GOLGA8S: variants seen among roughly 807,000 people sequenced by gnomAD.
The protein encoded by GOLGA8S is golgin subfamily A member 8S.
GOLGA8S carries 23 observed loss-of-function variants against 58.9 expected under a neutral mutation model. The observed-to-expected ratio is 0.39, with a 90% CI of 0.28 to 0.55. The LOEUF (loss-of-function observed/expected upper bound fraction) is 0.55. Among genes scored for constraint, GOLGA8S ranks in the 20% least tolerant of loss-of-function variants. The pLI is 0.63. For synonymous variants in GOLGA8S, 84 were observed against 195.7 expected (o/e 0.43, Z 4.76); for missense variants, 266 against 514.2 (o/e 0.52, Z 4.67).
intron 15 of GOLGA8S, 28 bp from the exon 16 acceptor site, chr15:23,364,315 A>G: frequency 6.3e-7 from 1 of 1,597,708 alleles, no homozygotes; most frequent in Non-Finnish European, 8.5e-7. Flanking sequence ...GTCGCTGCCG[A>G]GATGTGACTA....
At chr15:23,364,560 C>A in exon 17 of GOLGA8S, 2 of 1,567,636 alleles carry the variant, frequency 1.3e-6, no homozygotes, top group Non-Finnish European at 1.7e-6. Flanking sequence ...ACCAGGGGGC[C>A]GTGCCAAAGA....
chr15:23,363,720 C>G, exon 15 of GOLGA8S: 1 of 534,948 alleles, frequency 1.9e-6, no homozygotes, highest in Non-Finnish European at 3.1e-6. Flanking sequence ...GAGGAGGCAC[C>G]TCGGCCCATT....
rs4036676 is a variant in GOLGA8S at position 23,364,390 on chromosome 15, G to T, written c.1395G>T (p.Leu465=). 2.0e-4 allele frequency: 327 copies of T among 1,602,738 alleles called. 6 individuals are homozygous for T. Among genetic ancestry groups the T allele is most frequent in the East Asian group, 6.0e-4 (27 of 44,856 alleles). ...AGGAGAAGGCAGACCTGAGTGAGCT[G>T]GTGAAGAAACAAGAACTTCGCTTCA... is the stretch of plus-strand genomic sequence containing the variant. Residue 465 remains leucine, a synonymous_variant, in exon 16 of 19, where the codon CTG becomes CTT. Coordinates refer to ENST00000562295, the Ensembl canonical transcript of GOLGA8S.
rs564673727 is a variant in GOLGA8S at position 23,364,155 on chromosome 15, G to A, written c.1348-188G>A. ...TGGCCTCGGCCCAGAAGGAGCCAGA[G>A]GCAGCCAGAGGCCCTGGAGCCCCAG... On this transcript the variant is annotated intron_variant, in intron 15 of 18. Coordinates refer to ENST00000562295, the Ensembl canonical transcript of GOLGA8S. Among the ~76,000 whole-genome samples the A allele has an allele frequency of 2.0e-4, 28 of 138,456 alleles. 2 individuals carry two copies. Among genetic ancestry groups the A allele is most frequent in the Non-Finnish European group, 3.9e-4 (25 of 63,918 alleles). The allele number at this position is 138,456 out of a possible 152,430, so 90.8% of individuals were successfully genotyped here.
chr15:23,356,417 C>G (rs1218598399), intron 1 of GOLGA8S, among the ~76,000 whole-genome samples, 174 bp from the exon 2 acceptor site: 1 of 125,062 alleles, frequency 8.0e-6, no homozygotes. Flanking sequence ...CTTTTTTTTT[C>G]TAGCCATGAT....
exon 9 of GOLGA8S, chr15:23,360,262 T>A: frequency 2.4e-6 from 3 of 1,265,034 alleles, no homozygotes; most frequent in Non-Finnish European, 3.4e-6. Flanking sequence ...ACGTACGGAG[T>A]GGAAGTTAGA....
chr15:23,368,026 ATAAC>A (rs1329955857), downstream of GOLGA8S, among the ~76,000 whole-genome samples: 1 of 151,978 alleles, frequency 6.6e-6, no homozygotes, highest in Non-Finnish European at 1.5e-5. Context: ...TTAAAATAAT[ATAAC>A]TATTAAAAAT....
intron 15 of GOLGA8S, among the ~76,000 whole-genome samples, chr15:23,364,034 T>C (rs1386314752): frequency 2.7e-3 from 357 of 131,386 alleles, no homozygotes; most frequent in East Asian, 0.01. Flanking sequence ...GGTGGCATTT[T>C]TCAAGTCCGC....
downstream of GOLGA8S, chr15:23,366,154 C>T (rs1218656928): frequency 6.6e-6 from 1 of 151,734 alleles, no homozygotes; most frequent in Non-Finnish European, 1.5e-5. Context: ...CATAAGAAAT[C>T]CTTTACGAGT....
rs755128655 is a variant in GOLGA8S, at chr15:23,361,470, G to C, written c.1110+14G>C. 8 of 773,404 alleles carry C rather than the reference G, an allele frequency of 1.0e-5. No homozygotes were observed. The East Asian group carries it at 1.9e-4, about 19-fold the overall frequency. The allele number at this position is 773,404 out of a possible 1,614,324, so 47.9% of individuals were successfully genotyped here. On this transcript the variant is annotated intron_variant, in intron 12 of 18. Transcript: ENST00000562295. ...TTCAAGGAGCTGGTGCGTTGCCCCA[G>C]CTGGGGAGCCTGCCCTCCTCCCTAG...
chr15:23,365,344 T>C (rs62001553), downstream of GOLGA8S: 5,425 of 626,862 alleles, frequency 8.7e-3, 77 homozygotes, highest in Non-Finnish European at 0.012. Context: ...TCTGGCATCC[T>C]TTAGCATTTT....
At position 23,364,364 on chromosome 15, in the gene GOLGA8S, G is replaced by A. The variant is rs4036675; in HGVS notation, c.1369G>A (p.Glu457Lys). Residue 457 changes from glutamate to lysine, a missense_variant, in exon 16 of 19, where the codon GAG becomes AAG. By Grantham distance (56) the Glu-to-Lys change is moderately conservative (BLOSUM62 1). This residue lies in a region of GOLGA8S where 88 missense variants were observed against 77.7 expected (regional missense o/e 1.13). Coordinates refer to ENST00000562295, the Ensembl canonical transcript of GOLGA8S. The stretch of plus-strand genomic sequence containing the variant: ...CCAGAGCAGCTTTATGGACCACCTG[G>A]AGGAGAAGGCAGACCTGAGTGAGCT... 5.1e-5 allele frequency: 82 copies of A among 1,601,874 alleles called. 1 individual carries two copies. Among genetic ancestry groups the A allele is most frequent in the Middle Eastern group, 1.8e-4 (1 of 5,664 alleles).
intron 11 of GOLGA8S, 46 bp from the exon 12 acceptor site, chr15:23,361,175 T>A: frequency 8.6e-7 from 1 of 1,161,812 alleles, no homozygotes; most frequent in South Asian, 1.4e-5. Flanking sequence ...TTTTCTTTTT[T>A]TTTTTTTGGA....
chr15:23,361,864 G>C, intron 13 of GOLGA8S, 72 bp downstream of exon 13: 1 of 825,218 alleles, frequency 1.2e-6, no homozygotes, highest in South Asian at 1.4e-5. Flanking sequence ...CTCTGGGGAG[G>C]GGAGGTGCCA....
chr15:23,364,488 C>A (rs528317891), intron 16 of GOLGA8S, 38 bp from the exon 17 acceptor site: 1 of 1,589,608 alleles, frequency 6.3e-7, no homozygotes, highest in Non-Finnish European at 8.6e-7. Flanking sequence ...ACAGGGCCGT[C>A]GGAGGGGCCC....
intron 13 of GOLGA8S, among the ~76,000 whole-genome samples, chr15:23,362,792 G>A (rs2069823795): frequency 6.9e-6 from 1 of 144,416 alleles, no homozygotes; most frequent in South Asian, 2.3e-4. Flanking sequence ...CCCAGAATCT[G>A]CAAACCAGCC....
Position 23,360,619 on chromosome 15 carries a change from G to A in GOLGA8S, c.786+87G>A, listed in dbSNP as rs2141024798. 5.7e-6 allele frequency: 7 copies of A among 1,238,694 alleles called. 1 individual carries two copies. Among genetic ancestry groups the A allele is most frequent in the Middle Eastern group, 4.8e-4 (2 of 4,142 alleles). The allele number at this position is 1,238,694 out of a possible 1,614,324, so 76.7% of individuals were successfully genotyped here. A position where few individuals can be genotyped will look rare whatever the true frequency, so the allele number is the denominator to read the frequency against. On this transcript the variant is annotated intron_variant, in intron 10 of 18. Transcript: ENST00000562295. ...GTAAAATGGGAATAGTAGAGCCAGAGGTGGTCATGGGACTGGGCTTTGTGG... is the reference window on the plus strand; with the variant it reads ...GTAAAATGGGAATAGTAGAGCCAGAAGTGGTCATGGGACTGGGCTTTGTGG...
rs755615291 is a variant in GOLGA8S at position 23,364,560 on chromosome 15, C to G, written c.1483C>G (p.Arg495Gly). The stretch of plus-strand genomic sequence containing the variant: ...TCACCTTTTATCAGAACCAGGGGGC[C>G]GTGCCAAAGATGCGGCACTGGGAGG... Residue 495 changes from arginine to glycine, a missense_variant, in exon 17 of 19, where the codon CGT (arginine) becomes GGT (glycine). This residue lies in a region of GOLGA8S where 88 missense variants were observed against 77.7 expected (regional missense o/e 1.13). Transcript: ENST00000562295. The G allele has an allele frequency of 6.4e-6, 10 of 1,567,638 alleles. 1 individual carries two copies. In the African/African-American group the frequency reaches 1.2e-4, roughly 20 times the overall value.
intron 13 of GOLGA8S, 148 bp downstream of exon 13, chr15:23,361,940 T>A: frequency 1.6e-6 from 1 of 638,252 alleles, no homozygotes; most frequent in South Asian, 1.7e-5. Flanking sequence ...CCTGTGGCTG[T>A]TTCTTGCTTC....
Sources: gnomAD v4.1 joint callset for allele counts (sites outside exome capture counted in the v4.1 genomes callset) on GRCh38, gnomAD v4.1.1 for gene constraint, gnomAD v4.1.1 regional missense constraint, MANE v1.5 for transcripts, NCBI Gene and HGNC (gene_info 2026-07-23, HGNC 2026-07-21) for gene names.